HTR2C: variants seen among roughly 807,000 people sequenced by gnomAD.
The protein encoded by HTR2C is 5-hydroxytryptamine (serotonin) receptor 2C, G protein-coupled.
A neutral mutation model predicts 21.0 loss-of-function variants in HTR2C; 5 were observed. That is an observed-to-expected ratio of 0.24 (90% confidence interval 0.12 to 0.50). The LOEUF is 0.50. HTR2C is among the 20% of genes least tolerant of loss of function. The pLI is 0.98. For missense variants in HTR2C, 271 were observed against 371.2 expected (o/e 0.73, Z 2.22); for synonymous variants, 150 against 145.3 (o/e 1.03, Z -0.23).
intron 2 of HTR2C, among the ~76,000 whole-genome samples, chrX:114,644,446 A>G (rs1276858619): frequency 1.1e-5 from 1 of 89,762 alleles, no homozygotes; most frequent in African/African-American, 4.2e-5. Context: ...TTTTTTAGTC[A>G]TATTGTAAGT....
At chrX:114,782,446 G>A (rs1489152698) in intron 4 of HTR2C, among the ~76,000 whole-genome samples, 1 of 111,837 alleles carries the variant, frequency 8.9e-6, no homozygotes, top group African/African-American at 3.3e-5. Context: ...GGTGGGCATG[G>A]TGGCTCATGT....
At chrX:114,598,226 G>C (rs1280877319) in intron 1 of HTR2C, among the ~76,000 whole-genome samples, 1 of 111,797 alleles carries the variant, frequency 8.9e-6, no homozygotes, top group Non-Finnish European at 1.9e-5. Flanking sequence ...CCAAAGCCCA[G>C]AGAGGAAGTG....
chrX:114,850,099 T>C (rs1556468804), intron 5 of HTR2C, among the ~76,000 whole-genome samples: 1 of 111,469 alleles, frequency 9.0e-6, no homozygotes, highest in African/African-American at 3.3e-5. Context: ...CTAGAAAATA[T>C]GGAACTTAAG....
At chrX:114,766,326 G>C (rs1375746292) in intron 4 of HTR2C, among the ~76,000 whole-genome samples, 1 of 111,620 alleles carries the variant, frequency 9.0e-6, no homozygotes, top group Non-Finnish European at 1.9e-5. Flanking sequence ...AATTTCATAT[G>C]TGCTTTTATG....
At chrX:114,814,538 T>G (rs1319575503) in intron 4 of HTR2C, among the ~76,000 whole-genome samples, 1 of 108,895 alleles carries the variant, frequency 9.2e-6, no homozygotes, top group Non-Finnish European at 1.9e-5. Context: ...AAATGTGACT[T>G]CAGTACTACT....
intron 2 of HTR2C, among the ~76,000 whole-genome samples, chrX:114,656,293 A>C (rs185787375): frequency 9.0e-6 from 1 of 111,599 alleles, no homozygotes; most frequent in Non-Finnish European, 1.9e-5. Flanking sequence ...TGCTGTCTGC[A>C]CTTATATTTT....
intron 2 of HTR2C, among the ~76,000 whole-genome samples, chrX:114,681,474 A>C (rs1931744882): frequency 9.0e-6 from 1 of 111,151 alleles, no homozygotes; most frequent in African/African-American, 3.3e-5. Flanking sequence ...AGAACGACTT[A>C]TCCTAGATCA....
chrX:114,806,937 G>A lies in HTR2C; in HGVS notation c.350-41066G>A, dbSNP rs782188434. ...TGTATATACCATATATATACCATAT[G>A]TATATACCATATATACCATATGTAT... On this transcript the variant is annotated intron_variant, in intron 4 of 5. Coordinates refer to ENST00000276198, the MANE Select transcript of HTR2C (RefSeq NM_000868.4). Among the ~76,000 whole-genome samples, 19 of 89,947 alleles carry A rather than the reference G, an allele frequency of 2.1e-4. No homozygotes were observed. The South Asian group carries it at 8.3e-3, about 39-fold the overall frequency. 78.1% of individuals were successfully genotyped at this position (89,947 alleles called of 115,157 possible).
At chrX:114,772,761 T>TA (rs2070018542) in intron 4 of HTR2C, among the ~76,000 whole-genome samples, 3 of 111,107 alleles carry the variant, frequency 2.7e-5, no homozygotes, top group African/African-American at 9.8e-5. Context: ...GGAGAGTTGG[T>TA]AGGGATATAA....
intron 4 of HTR2C, among the ~76,000 whole-genome samples, chrX:114,831,877 A>G (rs1442071208): frequency 2.1e-5 from 2 of 93,028 alleles, no homozygotes; most frequent in Admixed American, 2.5e-4. Context: ...ATTTTTGTAT[A>G]AGGTGTAAGG....
chrX:114,794,670 T>C (rs1231067186), intron 4 of HTR2C, among the ~76,000 whole-genome samples: 1 of 108,182 alleles, frequency 9.2e-6, no homozygotes. Context: ...AATGATGGTT[T>C]CCAGTTTCAT....
intron 2 of HTR2C, among the ~76,000 whole-genome samples, chrX:114,707,158 A>G (rs976798286): frequency 8.9e-6 from 1 of 112,148 alleles, no homozygotes; most frequent in Admixed American, 9.5e-5. Flanking sequence ...AAGTAAAAAA[A>G]TTGAAGAACT....
At chrX:114,786,616 A>T (rs1415952740) in intron 4 of HTR2C, among the ~76,000 whole-genome samples, 1 of 111,292 alleles carries the variant, frequency 9.0e-6, no homozygotes, top group African/African-American at 3.3e-5. Context: ...ATTATATTAC[A>T]CTCTGCTGCC....
At chrX:114,841,091 A>G (rs6655339) in intron 4 of HTR2C, among the ~76,000 whole-genome samples, 2,651 of 111,965 alleles carry the variant, frequency 0.024, 92 homozygotes, top group African/African-American at 0.083. Context: ...CTTCCAGAAT[A>G]TTTCAACAGC....
chrX:114,704,212 C>T (rs782339939), intron 2 of HTR2C, among the ~76,000 whole-genome samples: 10 of 111,416 alleles, frequency 9.0e-5, no homozygotes, highest in East Asian at 5.7e-4. Flanking sequence ...CATTTGATGA[C>T]GCCAGCATCA....
At chrX:114,761,873 C>T (rs782035671) in intron 4 of HTR2C, among the ~76,000 whole-genome samples, 1 of 15,666 alleles carries the variant, frequency 6.4e-5, no homozygotes, top group Non-Finnish European at 1.9e-4. Context: ...CTCTCTCTCT[C>T]TATATATATA....
intron 3 of HTR2C, among the ~76,000 whole-genome samples, chrX:114,728,867 A>G (rs916440820): frequency 6.2e-5 from 7 of 112,022 alleles, no homozygotes; most frequent in Non-Finnish European, 1.3e-4. Context: ...ATGAATTTCG[A>G]TGTTTTCACA....
intron 2 of HTR2C, among the ~76,000 whole-genome samples, chrX:114,625,897 A>G (rs1390565440): frequency 9.0e-6 from 1 of 111,415 alleles, no homozygotes; most frequent in East Asian, 2.8e-4. Context: ...GATCAGCTGG[A>G]ATAGGTAAGT....
At chrX:114,702,211 G>A (rs1556416953) in intron 2 of HTR2C, among the ~76,000 whole-genome samples, 1 of 111,179 alleles carries the variant, frequency 9.0e-6, no homozygotes, top group Non-Finnish European at 1.9e-5. Flanking sequence ...TACAGAGAAT[G>A]CCACAAAGAT....
Sources: allele counts gnomAD v4.1 joint callset (sites outside exome capture counted in the v4.1 genomes callset), GRCh38; gene constraint gnomAD v4.1.1; transcripts MANE v1.5; gene names NCBI Gene and HGNC (gene_info 2026-07-23, HGNC 2026-07-21).